MAGI1: variants seen among roughly 807,000 people sequenced by gnomAD.
MAGI1 encodes membrane associated guanylate kinase, WW and PDZ domain containing 1, also known as membrane-associated guanylate kinase, WW and PDZ domain-containing protein 1.
Under a neutral mutation model 139.9 loss-of-function variants are expected in MAGI1, and 58 were observed. That is an observed-to-expected ratio of 0.41 (90% CI 0.34 to 0.52). MAGI1 has a LOEUF of 0.52. MAGI1 is among the 20% of genes least tolerant of loss of function. The pLI is 0.12. For synonymous variants in MAGI1, 812 were observed against 737.9 expected (o/e 1.10, Z -1.63); for missense variants, 1,874 against 1,901.6 (o/e 0.99, Z 0.27).
At chr3:65,504,818 C>A (rs974316575) in intron 2 of MAGI1, among the ~76,000 whole-genome samples, 11 of 152,152 alleles carry the variant, frequency 7.2e-5, no homozygotes, top group African/African-American at 2.7e-4. Context: ...GGAAAGTCAA[C>A]CTGAACATGA....
At chr3:65,367,805 T>C (rs1275870589) in intron 18 of MAGI1, among the ~76,000 whole-genome samples, 2 of 152,212 alleles carry the variant, frequency 1.3e-5, no homozygotes, top group East Asian at 1.9e-4. Context: ...GAGGAAATCA[T>C]ATCTAATTGG....
At chr3:65,690,512 T>C (rs977043363) in intron 1 of MAGI1, among the ~76,000 whole-genome samples, 1 of 152,206 alleles carries the variant, frequency 6.6e-6, no homozygotes, top group East Asian at 1.9e-4. Context: ...AGTCTTGCTA[T>C]GTCACTCAGG....
At chr3:66,022,675 G>A (rs992429127) in intron 1 of MAGI1, among the ~76,000 whole-genome samples, 8 of 152,088 alleles carry the variant, frequency 5.3e-5, no homozygotes, top group African/African-American at 1.4e-4. Context: ...TTTTGGACAC[G>A]TGTCAGCCAT....
At chr3:65,577,565 C>A (rs1305451595) in intron 2 of MAGI1, among the ~76,000 whole-genome samples, 1 of 152,188 alleles carries the variant, frequency 6.6e-6, no homozygotes, top group African/African-American at 2.4e-5. Flanking sequence ...TGGCCCTGCA[C>A]AGCTGTCAAA....
chr3:65,618,633 C>T (rs942152054), intron 2 of MAGI1, among the ~76,000 whole-genome samples: 1 of 151,998 alleles, frequency 6.6e-6, no homozygotes, highest in South Asian at 2.1e-4. Context: ...TTACTAATAA[C>T]ACCCAACTTG....
At chr3:65,846,942 G>C (rs976546793) in intron 1 of MAGI1, among the ~76,000 whole-genome samples, 2 of 100,076 alleles carry the variant, frequency 2.0e-5, no homozygotes, top group Non-Finnish European at 3.6e-5. Flanking sequence ...ACATTGACTT[G>C]TCCTTTCAGA....
intron 18 of MAGI1, among the ~76,000 whole-genome samples, chr3:65,365,886 A>G (rs532313642): frequency 6.6e-6 from 1 of 152,314 alleles, no homozygotes; most frequent in East Asian, 1.9e-4. Flanking sequence ...TACCTATAAT[A>G]TATATCTTTC....
intron 2 of MAGI1, among the ~76,000 whole-genome samples, chr3:65,611,997 G>C (rs956025902): frequency 6.6e-6 from 1 of 151,922 alleles, no homozygotes; most frequent in Non-Finnish European, 1.5e-5. Flanking sequence ...GTAAGTGCTA[G>C]ATTCTTGTTT....
At chr3:65,957,350 CAAAA>C (rs1174740233) in intron 1 of MAGI1, among the ~76,000 whole-genome samples, 1 of 91,512 alleles carries the variant, frequency 1.1e-5, no homozygotes. Context: ...CCTGTCTCTA[CAAAA>C]AAAAAAAAAA....
At chr3:65,401,372 T>TTCCCC in intron 13 of MAGI1, 67 bp downstream of exon 13, 1 of 778,312 alleles carries the variant, frequency 1.3e-6, no homozygotes, top group Admixed American at 2.2e-5. Flanking sequence ...CAGAGTACCC[T>TTCCCC]CCCACCTCCA....
At chr3:65,634,808 T>C (rs73835615) in intron 1 of MAGI1, among the ~76,000 whole-genome samples, 1,885 of 152,316 alleles carry the variant, frequency 0.012, 39 homozygotes, top group African/African-American at 0.042. Context: ...ATGATGTTAC[T>C]GAACGAATGC....
intron 1 of MAGI1, among the ~76,000 whole-genome samples, chr3:65,869,562 G>A (rs577562311): frequency 1.2e-4 from 18 of 151,518 alleles, no homozygotes; most frequent in Middle Eastern, 3.4e-3. Flanking sequence ...CACCACACCC[G>A]GCTAATTTTT....
At chr3:65,553,418 A>C (rs917540733) in intron 2 of MAGI1, among the ~76,000 whole-genome samples, 8 of 152,200 alleles carry the variant, frequency 5.3e-5, no homozygotes, top group African/African-American at 1.9e-4. Flanking sequence ...CTTTGAAAAA[A>C]AAATTTTTTT....
intron 1 of MAGI1, among the ~76,000 whole-genome samples, chr3:65,881,971 T>C (rs955700223): frequency 8.5e-5 from 13 of 152,228 alleles, no homozygotes; most frequent in African/African-American, 3.1e-4. Context: ...ACAGATCAAA[T>C]GACAACACTT....
intron 1 of MAGI1, among the ~76,000 whole-genome samples, chr3:65,700,347 C>A (rs1433815622): frequency 1.3e-5 from 2 of 152,100 alleles, no homozygotes; most frequent in South Asian, 2.1e-4. Context: ...GAGGCTGAGG[C>A]AGGAGAACTG....
chr3:65,537,341 A>G (rs1261233167), intron 2 of MAGI1, among the ~76,000 whole-genome samples: 1 of 152,152 alleles, frequency 6.6e-6, no homozygotes, highest in Admixed American at 6.6e-5. Flanking sequence ...CATAAGCAGG[A>G]GCAGGCACTC....
chr3:65,588,524 T>C (rs1342133979), intron 2 of MAGI1, among the ~76,000 whole-genome samples: 2 of 152,216 alleles, frequency 1.3e-5, no homozygotes, highest in African/African-American at 4.8e-5. Flanking sequence ...CTAGGCAATG[T>C]AGATGAAAGT....
chr3:65,891,953 T>TA (rs1301103341), intron 1 of MAGI1, among the ~76,000 whole-genome samples: 2 of 121,226 alleles, frequency 1.6e-5, no homozygotes, highest in Non-Finnish European at 3.4e-5. Flanking sequence ...CCCGTGTTGC[T>TA]CCAATTCAAA....
At chr3:65,747,140 C>A (rs2035777659) in intron 1 of MAGI1, among the ~76,000 whole-genome samples, 1 of 152,086 alleles carries the variant, frequency 6.6e-6, no homozygotes, top group South Asian at 2.1e-4. Context: ...GTCTCAGTCA[C>A]CTAAAGGATG....
Sources: gnomAD v4.1 joint callset for allele counts (sites outside exome capture counted in the v4.1 genomes callset) on GRCh38, gnomAD v4.1.1 for gene constraint, MANE v1.5 for transcripts, NCBI Gene and HGNC (gene_info 2026-07-23, HGNC 2026-07-21) for gene names.